The following TRPS1 variants were observed in gnomAD, a reference collection of about 807,000 sequenced individuals.
TRPS1 encodes the protein zinc finger transcription factor Trps1.
A neutral mutation model predicts 101.2 loss-of-function variants in TRPS1; 6 were observed. That is an observed-to-expected ratio of 0.06 (90% CI 0.03 to 0.12). The LOEUF is 0.12. Among genes scored for constraint, TRPS1 ranks in the 10% least tolerant of loss-of-function variants. The pLI, the probability that TRPS1 is intolerant of heterozygous loss-of-function variation, is 1.00. For synonymous variants in TRPS1, 578 were observed against 589.8 expected (o/e 0.98, Z 0.29); for missense variants, 1,363 against 1,567.0 (o/e 0.87, Z 2.20).
intron 1 of TRPS1, among the ~76,000 whole-genome samples, chr8:115,646,345 C>T (rs1383448151): frequency 6.6e-6 from 1 of 152,122 alleles, no homozygotes; most frequent in African/African-American, 2.4e-5. Flanking sequence ...GAAAACATAG[C>T]TACAACCTAT....
At chr8:115,569,503 G>A (rs1817150172) in intron 5 of TRPS1, among the ~76,000 whole-genome samples, 1 of 152,086 alleles carries the variant, frequency 6.6e-6, no homozygotes, top group African/African-American at 2.4e-5. Flanking sequence ...TGAGTTTGTA[G>A]TACAAACATC....
At chr8:115,561,658 T>C (rs1816949065) in intron 5 of TRPS1, among the ~76,000 whole-genome samples, 1 of 151,804 alleles carries the variant, frequency 6.6e-6, no homozygotes, top group Non-Finnish European at 1.5e-5. Context: ...ATAACCTGAG[T>C]AAAGTCTAAA....
chr8:115,590,919 G>C (rs1817666524), intron 4 of TRPS1, among the ~76,000 whole-genome samples: 1 of 151,652 alleles, frequency 6.6e-6, no homozygotes, highest in Non-Finnish European at 1.5e-5. Flanking sequence ...CTGGTGTTTT[G>C]GTATCATTCA....
intron 1 of TRPS1, among the ~76,000 whole-genome samples, chr8:115,629,061 T>C (rs1818578109): frequency 6.6e-6 from 1 of 151,660 alleles, no homozygotes; most frequent in African/African-American, 2.4e-5. Context: ...AATGTTCTGA[T>C]GAACACAGTG....
At chr8:115,541,682 A>G (rs980926431) in intron 5 of TRPS1, among the ~76,000 whole-genome samples, 12 of 152,206 alleles carry the variant, frequency 7.9e-5, no homozygotes, top group African/African-American at 2.9e-4. Context: ...CCTCATTTGT[A>G]AAACGAAAGG....
At chr8:115,665,594 G>A (rs906498390) in intron 1 of TRPS1, among the ~76,000 whole-genome samples, 2 of 152,004 alleles carry the variant, frequency 1.3e-5, no homozygotes, top group Non-Finnish European at 2.9e-5. Flanking sequence ...AACTTATTTC[G>A]GATTAGCACA....
intron 1 of TRPS1, among the ~76,000 whole-genome samples, chr8:115,626,373 A>C (rs1818509562): frequency 4.0e-5 from 6 of 151,752 alleles, no homozygotes; most frequent in Admixed American, 2.0e-4. Flanking sequence ...ATGCAAGAGA[A>C]CATTGTTTAT....
At chr8:115,473,892 G>A (rs1814534045) in intron 5 of TRPS1, among the ~76,000 whole-genome samples, 2 of 152,110 alleles carry the variant, frequency 1.3e-5, no homozygotes, top group African/African-American at 4.8e-5. Context: ...TTAGAGGAGT[G>A]GTCTGGAATA....
rs1021837270 is a variant in TRPS1, at chr8:115,467,784, C to T, written c.2701-49332G>A. Among the ~76,000 whole-genome samples the T allele has an allele frequency of 5.9e-5, 9 of 152,298 alleles. No homozygotes were observed. The South Asian group carries it at 8.3e-4, about 14-fold the overall frequency. ...TTAGCTCACTGTGTAAATAACCCCA[C>T]ACTTCTAGTACACCTCAAACTTCTC... On this transcript the variant is annotated intron_variant, in intron 5 of 6. Coordinates refer to ENST00000395715, the MANE Select transcript of TRPS1 (RefSeq NM_014112.5).
intron 3 of TRPS1, among the ~76,000 whole-genome samples, chr8:115,607,713 C>T (rs1018961952): frequency 1.2e-4 from 18 of 151,760 alleles, no homozygotes; most frequent in African/African-American, 4.3e-4. Context: ...TATTTTAAAA[C>T]GCAGTTTTGG....
chr8:115,461,312 C>G (rs1282793275), intron 5 of TRPS1, among the ~76,000 whole-genome samples: 3 of 150,958 alleles, frequency 2.0e-5, no homozygotes, highest in African/African-American at 7.3e-5. Context: ...CAGATACATA[C>G]ATACATACAT....
chr8:115,496,611 GA>G (rs1265937289), intron 5 of TRPS1, among the ~76,000 whole-genome samples: 3 of 151,916 alleles, frequency 2.0e-5, no homozygotes, highest in African/African-American at 4.8e-5. Flanking sequence ...TGCCAGGGGA[GA>G]AAAAAATTAG....
chr8:115,580,693 C>A (rs1487358490), intron 5 of TRPS1, among the ~76,000 whole-genome samples: 5 of 152,216 alleles, frequency 3.3e-5, no homozygotes, highest in Admixed American at 1.3e-4. Flanking sequence ...ATCTGCTTCA[C>A]CTGCTTTAGA....
At chr8:115,417,369 G>A (rs1212598414) in intron 6 of TRPS1, among the ~76,000 whole-genome samples, 2 of 152,060 alleles carry the variant, frequency 1.3e-5, no homozygotes, top group Non-Finnish European at 2.9e-5. Flanking sequence ...GCTTCTAATG[G>A]TCCATATATG....
chr8:115,522,806 G>A (rs1304776199), intron 5 of TRPS1, among the ~76,000 whole-genome samples: 1 of 152,044 alleles, frequency 6.6e-6, no homozygotes, highest in African/African-American at 2.4e-5. Flanking sequence ...TTAGTAAAAG[G>A]TTATTTTTTA....
intron 5 of TRPS1, among the ~76,000 whole-genome samples, chr8:115,429,406 T>C (rs1204740167): frequency 6.6e-6 from 1 of 152,300 alleles, no homozygotes; most frequent in Middle Eastern, 3.4e-3. Flanking sequence ...ACCACCAGAT[T>C]AGCTCAAGGT....
intron 5 of TRPS1, among the ~76,000 whole-genome samples, chr8:115,446,034 T>C (rs1813725912): frequency 6.6e-6 from 1 of 152,086 alleles, no homozygotes; most frequent in South Asian, 2.1e-4. Context: ...TTTTTAAGTC[T>C]GAGTTTGGAT....
intron 5 of TRPS1, among the ~76,000 whole-genome samples, chr8:115,567,835 A>C (rs1489107904): frequency 1.3e-5 from 2 of 152,030 alleles, no homozygotes; most frequent in African/African-American, 4.8e-5. Context: ...CAGCTCTTTC[A>C]GGGCGTCTGT....
intron 5 of TRPS1, among the ~76,000 whole-genome samples, chr8:115,489,602 G>A (rs1316323109): frequency 2.0e-5 from 3 of 152,022 alleles, no homozygotes; most frequent in African/African-American, 7.2e-5. Context: ...ATAATGCTCT[G>A]AGGCCACATT....
Sources: allele counts gnomAD v4.1 joint callset (sites outside exome capture counted in the v4.1 genomes callset), GRCh38; gene constraint gnomAD v4.1.1; transcripts MANE v1.5; gene names NCBI Gene and HGNC (gene_info 2026-07-23, HGNC 2026-07-21).